The following ENPP6 variants were observed in gnomAD, a reference collection of about 807,000 sequenced individuals.
The protein encoded by ENPP6 is ectonucleotide pyrophosphatase/phosphodiesterase 6.
ENPP6 carries 32 observed loss-of-function variants against 42.0 expected under a neutral mutation model. That is an observed-to-expected ratio of 0.76 (90% CI 0.58 to 1.02). The LOEUF (loss-of-function observed/expected upper bound fraction) is 1.02. ENPP6 is among the 50% of genes least tolerant of loss of function. The probability of loss-of-function intolerance (pLI) is 0.00; values close to 1 mark genes in which losing one functional copy is unlikely to be tolerated. For missense variants in ENPP6, 552 were observed against 566.8 expected (o/e 0.97, Z 0.27); for synonymous variants, 213 against 216.0 (o/e 0.99, Z 0.12).
At chr4:184,123,387 T>C (rs1736452627) in intron 3 of ENPP6, among the ~76,000 whole-genome samples, 2 of 152,078 alleles carry the variant, frequency 1.3e-5, no homozygotes, top group South Asian at 4.2e-4. Context: ...CCCCAGCCTC[T>C]TTGCTCTGAT....
intron 2 of ENPP6, among the ~76,000 whole-genome samples, chr4:184,127,305 A>G (rs190780115): frequency 6.5e-4 from 99 of 152,320 alleles, no homozygotes; most frequent in African/African-American, 2.2e-3. Flanking sequence ...TAGGAAAAAA[A>G]CAATAAAATC....
chr4:184,193,476 G>A (rs1732736310), intron 1 of ENPP6, among the ~76,000 whole-genome samples: 1 of 152,164 alleles, frequency 6.6e-6, no homozygotes, highest in Admixed American at 6.5e-5. Flanking sequence ...TGGAGGTGAG[G>A]ATGGGAAGCA....
chr4:184,091,455 A>G (rs755084888), intron 7 of ENPP6, 73 bp from the exon 8 acceptor site: 11 of 1,375,078 alleles, frequency 8.0e-6, no homozygotes, highest in Non-Finnish European at 1.0e-5. Context: ...GCAATAAAGA[A>G]GAATTACATT....
intron 1 of ENPP6, among the ~76,000 whole-genome samples, chr4:184,171,240 A>T (rs1455939500): frequency 6.6e-6 from 1 of 152,252 alleles, no homozygotes; most frequent in African/African-American, 2.4e-5. Flanking sequence ...CTGAGACCTT[A>T]GCTGGGTTGT....
chr4:184,208,480 AT>A (rs1208118396), intron 1 of ENPP6, among the ~76,000 whole-genome samples: 6 of 152,286 alleles, frequency 3.9e-5, no homozygotes, highest in South Asian at 2.1e-4. Context: ...GGGGTGACGG[AT>A]GGCATCTGGA....
intron 2 of ENPP6, among the ~76,000 whole-genome samples, chr4:184,131,144 T>TCTTC (rs1736606182): frequency 2.3e-5 from 1 of 44,030 alleles, no homozygotes; most frequent in Non-Finnish European, 5.8e-5. Context: ...GCACTTACTT[T>TCTTC]CTTTCTTTCT....
intron 1 of ENPP6, among the ~76,000 whole-genome samples, chr4:184,191,805 TAAAC>T (rs1225771965): frequency 2.6e-5 from 4 of 152,306 alleles, no homozygotes; most frequent in South Asian, 2.1e-4. Flanking sequence ...TTTTAACTAA[TAAAC>T]AAATTCAGTA....
intron 5 of ENPP6, 62 bp from the exon 6 acceptor site, chr4:184,112,871 G>A (rs996424080): frequency 2.0e-6 from 3 of 1,468,948 alleles, no homozygotes; most frequent in African/African-American, 2.8e-5. Flanking sequence ...AATATTTACT[G>A]GAGCTAGGGG....
intron 2 of ENPP6, among the ~76,000 whole-genome samples, chr4:184,133,378 C>T (rs73003779): frequency 0.026 from 3,963 of 152,202 alleles, 169 homozygotes; most frequent in African/African-American, 0.091. Context: ...ACATCTTTCA[C>T]GTATTTGAAT....
At chr4:184,123,333 A>G (rs1039140241) in intron 3 of ENPP6, among the ~76,000 whole-genome samples, 1 of 152,070 alleles carries the variant, frequency 6.6e-6, no homozygotes, top group African/African-American at 2.4e-5. Context: ...GGATATGCCC[A>G]GCTTGAAACC....
rs568006413 is a variant in ENPP6, at chr4:184,116,834, G to A, written c.855+22C>T. ...ACGAGGGCCCACATGGCCCTCCTCC[G>A]CCCCCCACGGGTCTGTCTTGCCTCA... is the stretch of plus-strand genomic sequence containing the variant. On this transcript the variant is annotated intron_variant, in intron 5 of 7. Transcript: ENST00000296741. 2.2e-5 allele frequency: 35 copies of A among 1,611,296 alleles called. No individual in the cohort carries two copies. In the East Asian group the frequency reaches 4.7e-4, roughly 22 times the overall value.
intron 2 of ENPP6, among the ~76,000 whole-genome samples, chr4:184,152,369 G>A (rs914927328): frequency 2.0e-5 from 3 of 150,320 alleles, no homozygotes; most frequent in Non-Finnish European, 4.4e-5. Context: ...CCTCTCCACT[G>A]CCCCCTCCCT....
At chr4:184,102,307 G>A (rs553223204) in intron 6 of ENPP6, among the ~76,000 whole-genome samples, 1 of 152,286 alleles carries the variant, frequency 6.6e-6, no homozygotes, top group South Asian at 2.1e-4. Flanking sequence ...GAAGGTGCAG[G>A]CAGAGGGAGG....
intron 1 of ENPP6, among the ~76,000 whole-genome samples, chr4:184,185,237 C>G (rs1427286616): frequency 6.6e-6 from 1 of 152,146 alleles, no homozygotes; most frequent in Non-Finnish European, 1.5e-5. Flanking sequence ...CTGGTTTACA[C>G]CGGTTGCTCC....
intron 1 of ENPP6, among the ~76,000 whole-genome samples, chr4:184,158,731 G>A (rs1033182290): frequency 6.6e-6 from 1 of 152,110 alleles, no homozygotes; most frequent in Non-Finnish European, 1.5e-5. Context: ...CTTATCCTTT[G>A]TGCTTTCAAT....
intron 6 of ENPP6, among the ~76,000 whole-genome samples, chr4:184,109,291 T>C (rs905859293): frequency 3.3e-5 from 5 of 152,064 alleles, no homozygotes; most frequent in Non-Finnish European, 5.9e-5. Context: ...TGCAGAGTCA[T>C]CAGGAGAATT....
Position 184,165,312 on chromosome 4 carries a change from C to T in ENPP6, c.242-11579G>A, listed in dbSNP as rs572510933. ...GATGGAGAATATTACCTCCATTTTG[C>T]TGATGCTTAAGAACTAAGATTCAAA... On this transcript the variant is annotated intron_variant, in intron 1 of 7. Transcript: ENST00000296741. Among the ~76,000 whole-genome samples, 9 of 152,334 alleles carry T rather than the reference C, an allele frequency of 5.9e-5. No individual in the cohort carries two copies. The South Asian group carries it at 1.9e-3, about 32-fold the overall frequency.
chr4:184,174,783 A>C (rs1045333528), intron 1 of ENPP6, among the ~76,000 whole-genome samples: 2 of 136,906 alleles, frequency 1.5e-5, no homozygotes, highest in Non-Finnish European at 3.2e-5. Context: ...CAAAGTGTGT[A>C]AATATACAAG....
intron 2 of ENPP6, among the ~76,000 whole-genome samples, chr4:184,146,569 G>C (rs921885308): frequency 1.4e-4 from 21 of 152,178 alleles, no homozygotes; most frequent in Non-Finnish European, 7.3e-5. Context: ...GCAAAGTCCA[G>C]AGCTGGCCGG....
Sources: allele counts gnomAD v4.1 joint callset (sites outside exome capture counted in the v4.1 genomes callset), GRCh38; gene constraint gnomAD v4.1.1; transcripts MANE v1.5; gene names NCBI Gene and HGNC (gene_info 2026-07-23, HGNC 2026-07-21).